The following SNX29 variants were observed in gnomAD, a reference collection of about 807,000 sequenced individuals.
The protein encoded by SNX29 is sorting nexin-29.
In SNX29, 78 loss-of-function variants were observed where a neutral mutation model predicts 102.1. The ratio of observed to expected loss-of-function variants is 0.76; its 90% CI spans 0.64 to 0.92. The LOEUF (loss-of-function observed/expected upper bound fraction) is 0.92. Ranked by LOEUF, SNX29 falls within the 40% of genes least tolerant of loss-of-function variation. The probability of loss-of-function intolerance (pLI) is 0.00; values close to 1 mark genes in which losing one functional copy is unlikely to be tolerated. For synonymous variants in SNX29, 580 were observed against 414.5 expected (o/e 1.40, Z -4.85); for missense variants, 1,280 against 1,061.7 (o/e 1.21, Z -2.86).
In SNX29 at chr16:12,200,633, C is replaced by T. The variant is rs1412067488; in HGVS notation, c.1678+950C>T. 3.3e-5 allele frequency among the ~76,000 whole-genome samples: 5 copies of T among 152,128 alleles called. No individual in the cohort carries two copies. The East Asian group carries it at 9.6e-4, about 29-fold the overall frequency. ...AAATAGCTGGGATTACAGGTATCTG[C>T]CACCATGCCCAGCTAATTTTTGTAT... is the stretch of plus-strand genomic sequence containing the variant. On this transcript the variant is annotated intron_variant, in intron 14 of 20. Coordinates refer to ENST00000566228, the MANE Select transcript of SNX29 (RefSeq NM_032167.5).
intron 20 of SNX29, chr16:12,545,622 G>C (rs1260623490): frequency 3.9e-5 from 6 of 152,156 alleles, no homozygotes; most frequent in Non-Finnish European, 8.8e-5. Flanking sequence ...CAAGGGTCTG[G>C]CTCTTTTCTT....
intron 9 of SNX29, among the ~76,000 whole-genome samples, 177 bp downstream of exon 9, chr16:12,061,823 C>G (rs969884207): frequency 6.6e-6 from 1 of 152,162 alleles, no homozygotes; most frequent in African/African-American, 2.4e-5. Context: ...GGCTTGGCTT[C>G]TCTCCCTGAA....
intron 18 of SNX29, among the ~76,000 whole-genome samples, chr16:12,441,132 G>C (rs2085786850): frequency 7.3e-6 from 1 of 137,070 alleles, no homozygotes; most frequent in South Asian, 2.3e-4. Flanking sequence ...CTGTCGCCCA[G>C]GCTAGAGTGC....
intron 20 of SNX29, among the ~76,000 whole-genome samples, chr16:12,552,825 C>T (rs532163418): frequency 7.6e-4 from 116 of 152,324 alleles, no homozygotes; most frequent in Middle Eastern, 3.4e-3. Flanking sequence ...AACAGTGTGA[C>T]ACCTGACCTG....
chr16:12,444,840 T>A (rs2085973375), intron 18 of SNX29, among the ~76,000 whole-genome samples: 1 of 84,378 alleles, frequency 1.2e-5, no homozygotes, highest in Non-Finnish European at 2.1e-5. Context: ...GTGTTTTTTT[T>A]TGTTTTTTTT....
intron 9 of SNX29, among the ~76,000 whole-genome samples, chr16:12,068,507 A>AAAAT (rs1400038583): frequency 6.6e-6 from 1 of 151,598 alleles, no homozygotes; most frequent in East Asian, 1.9e-4. Context: ...CAAAAAAAAA[A>AAAAT]AAAAAAAAAA....
At chr16:12,236,111 A>G (rs549524315) in intron 14 of SNX29, among the ~76,000 whole-genome samples, 4 of 152,232 alleles carry the variant, frequency 2.6e-5, no homozygotes, top group Admixed American at 6.5e-5. Context: ...TTATTTCCCA[A>G]TACTATGGGC....
chr16:12,557,666 A>G (rs1309600549), intron 20 of SNX29: 3 of 152,164 alleles, frequency 2.0e-5, no homozygotes, highest in African/African-American at 7.2e-5. Flanking sequence ...CCAGCCCAAA[A>G]AATCTTTTTG....
intron 15 of SNX29, among the ~76,000 whole-genome samples, chr16:12,332,723 C>A (rs1176888358): frequency 6.6e-6 from 1 of 152,172 alleles, no homozygotes; most frequent in Non-Finnish European, 1.5e-5. Flanking sequence ...TTTCTCTTAT[C>A]CTCCCAGCCT....
chr16:12,557,279 A>G (rs1259532900), intron 20 of SNX29: 2 of 152,420 alleles, frequency 1.3e-5, no homozygotes, highest in East Asian at 1.9e-4. Context: ...GTGCAGGCAG[A>G]AGAGACCTGG....
rs755663836 is a variant in SNX29, at chr16:12,027,376, G to A, written c.179G>A (p.Ser60Asn). Reference sequence around the variant, plus strand: ...GTCCTGCAGCATGGCTTGAAGAGGAGTCGAGGATTGGCACTCACAGCGGCA... The same window carrying A: ...GTCCTGCAGCATGGCTTGAAGAGGAATCGAGGATTGGCACTCACAGCGGCA... ...EAVLQHGLKR[S>N]RGLALTAAAI... The change falls in exon 4 of 21, where the codon AGT (serine) becomes AAT (asparagine). Residue 60 changes from serine to asparagine, a missense_variant. Physicochemically the swap from Ser to Asn is conservative, Grantham distance 46. Transcript: ENST00000566228. 3.4e-5 allele frequency: 55 copies of A among 1,614,042 alleles called. No individual in the cohort carries two copies. The highest frequency in any genetic ancestry group is 4.7e-5 in the Non-Finnish European group (55 of 1,180,010).
At chr16:12,537,032 C>G (rs752948273) in intron 20 of SNX29, among the ~76,000 whole-genome samples, 17 of 152,280 alleles carry the variant, frequency 1.1e-4, no homozygotes, top group Non-Finnish European at 1.3e-4. Flanking sequence ...GGGGAGCACA[C>G]AGCAAGCACA....
At chr16:12,130,608 C>CAG (rs2054422856) in intron 13 of SNX29, among the ~76,000 whole-genome samples, 1 of 152,008 alleles carries the variant, frequency 6.6e-6, no homozygotes, top group Admixed American at 6.6e-5. Flanking sequence ...GTGCAAGTCC[C>CAG]CTTCTCTTAT....
intron 1 of SNX29, among the ~76,000 whole-genome samples, chr16:11,979,803 C>CGAACTCCTGGCTTCATGTGATCCACTTGT (rs1237830118): frequency 4.6e-5 from 7 of 152,072 alleles, no homozygotes; most frequent in East Asian, 1.9e-4. Context: ...AGGCTGGTCT[C>CGAACTCCTGGCTTCATGTGATCCACTTGT]GAACTCCTGG....
At position 12,262,058 on chromosome 16, in the gene SNX29, T is replaced by A. The variant is rs189195068; in HGVS notation, c.1679-15875T>A. 9.5e-5 allele frequency among the ~76,000 whole-genome samples: 14 copies of A among 147,978 alleles called. No individual in the cohort carries two copies. The East Asian group carries it at 2.6e-3, about 28-fold the overall frequency. ...TGCACGTCCCCGGCTGGAGTGAGTGTTTGCTGAGCTCGGGTCTGTGCGCGC... is the reference window on the plus strand; with the variant it reads ...TGCACGTCCCCGGCTGGAGTGAGTGATTGCTGAGCTCGGGTCTGTGCGCGC... On this transcript the variant is annotated intron_variant, in intron 14 of 20. Transcript: ENST00000566228.
At chr16:12,199,239 T>G (rs984345325) in intron 13 of SNX29, among the ~76,000 whole-genome samples, 3 of 152,222 alleles carry the variant, frequency 2.0e-5, no homozygotes, top group Non-Finnish European at 4.4e-5. Flanking sequence ...CAGTAGTCAG[T>G]ACATGCTTCT....
At chr16:12,490,574 G>A (rs776937571) in intron 19 of SNX29, among the ~76,000 whole-genome samples, 15 of 152,186 alleles carry the variant, frequency 9.9e-5, no homozygotes, top group Non-Finnish European at 1.8e-4. Flanking sequence ...CTTAGGAATG[G>A]ACTTGCTGGT....
At chr16:12,051,513 A>G (rs1423561728) in intron 7 of SNX29, among the ~76,000 whole-genome samples, 1 of 152,154 alleles carries the variant, frequency 6.6e-6, no homozygotes, top group South Asian at 2.1e-4. Context: ...TCCTGGTCTC[A>G]TCTACCAGCT....
At chr16:12,236,797 C>A (rs1268843780) in intron 14 of SNX29, among the ~76,000 whole-genome samples, 2 of 152,204 alleles carry the variant, frequency 1.3e-5, no homozygotes, top group Non-Finnish European at 2.9e-5. Flanking sequence ...CTTCGGTGAT[C>A]AAGCATTTGG....
Sources: allele counts gnomAD v4.1 joint callset (sites outside exome capture counted in the v4.1 genomes callset), GRCh38; gene constraint gnomAD v4.1.1; transcripts MANE v1.5; gene names NCBI Gene and HGNC (gene_info 2026-07-23, HGNC 2026-07-21).